ZDHHC11B: variants seen among roughly 807,000 people sequenced by gnomAD.
ZDHHC11B encodes the protein zDHHC palmitoyltransferase 11B (putative).
In ZDHHC11B, 17 loss-of-function variants were observed where a neutral mutation model predicts 42.3. The observed-to-expected ratio is 0.40, with a 90% confidence interval of 0.27 to 0.60. The LOEUF (loss-of-function observed/expected upper bound fraction) is 0.60. ZDHHC11B is among the 20% of genes least tolerant of loss of function. ZDHHC11B has a pLI of 0.41. For missense variants in ZDHHC11B, 262 were observed against 463.2 expected (o/e 0.57, Z 3.99); for synonymous variants, 123 against 193.5 (o/e 0.64, Z 3.02).
intron 1 of ZDHHC11B, among the ~76,000 whole-genome samples, chr5:775,998 G>A (rs1736445695): frequency 6.7e-6 from 1 of 148,162 alleles, no homozygotes; most frequent in Admixed American, 6.7e-5. Flanking sequence ...TCCATGGGCA[G>A]ATTCCCATGC....
chr5:758,253 T>C (rs1240970974), intron 4 of ZDHHC11B, among the ~76,000 whole-genome samples: 1 of 151,880 alleles, frequency 6.6e-6, no homozygotes, highest in Non-Finnish European at 1.5e-5. Context: ...CCCCTTCCTC[T>C]GCAGAGCTGG....
At chr5:763,209 A>G (rs185600594) in intron 4 of ZDHHC11B, among the ~76,000 whole-genome samples, 1 of 151,704 alleles carries the variant, frequency 6.6e-6, no homozygotes, top group East Asian at 1.9e-4. Context: ...CTCCACTGAA[A>G]AATACAAAAA....
intron 4 of ZDHHC11B, among the ~76,000 whole-genome samples, chr5:760,397 C>T (rs1375250469): frequency 1.2e-4 from 18 of 151,804 alleles, no homozygotes; most frequent in African/African-American, 3.9e-4. Context: ...AGAGAAAAGA[C>T]GGTGTGAACA....
chr5:725,282 G>T (rs1269772431), intron 12 of ZDHHC11B, among the ~76,000 whole-genome samples: 1 of 142,880 alleles, frequency 7.0e-6, no homozygotes, highest in East Asian at 2.0e-4. Flanking sequence ...TGCTGTGTGA[G>T]GACAACCAGA....
chr5:744,700 G>A (rs375759304), intron 9 of ZDHHC11B, among the ~76,000 whole-genome samples: 28 of 148,168 alleles, frequency 1.9e-4, no homozygotes, highest in South Asian at 9.1e-4. Context: ...TCAAAACCAC[G>A]TCTCTACTAA....
rs1010918366 is a variant in ZDHHC11B at position 766,146 on chromosome 5, C to G, written c.222+552G>C. Among the ~76,000 whole-genome samples, 3 of 151,944 alleles carry G rather than the reference C, an allele frequency of 2.0e-5. No individual in the cohort carries two copies. In the South Asian group the frequency reaches 6.3e-4, roughly 32 times the overall value. Reference sequence around the variant, plus strand: ...CCATGGACATGCACCCTGGGAGATGCGAGCAGACACAGGCTCCCACCCGCT... The same window carrying G: ...CCATGGACATGCACCCTGGGAGATGGGAGCAGACACAGGCTCCCACCCGCT... On this transcript the variant is annotated intron_variant, in intron 4 of 13. Transcript: ENST00000508859.
At position 736,644 on chromosome 5, in the gene ZDHHC11B, T is replaced by C. The variant is rs551040094; in HGVS notation, c.936-2805A>G. On this transcript the variant is annotated intron_variant, in intron 10 of 13. Coordinates refer to ENST00000508859, the MANE Select transcript of ZDHHC11B (RefSeq NM_001351303.2). ...TCTTTTCAGACCACAGGGGAATAAATTGATAATTAACTCCAAAAGGAACCC... is the reference window on the plus strand; with the variant it reads ...TCTTTTCAGACCACAGGGGAATAAACTGATAATTAACTCCAAAAGGAACCC... Among the ~76,000 whole-genome samples, 45 of 139,070 alleles carry C rather than the reference T, an allele frequency of 3.2e-4. 2 individuals carry two copies. The highest frequency in any genetic ancestry group is 1.0e-3 in the African/African-American group (38 of 37,706). The allele number at this position is 139,070 out of a possible 152,430, so 91.2% of individuals were successfully genotyped here.
Position 767,405 on chromosome 5 carries a change from G to C in ZDHHC11B, c.-14C>G. 6.4e-7 allele frequency: 1 copy of C among 1,570,888 alleles called. No individual in the cohort carries two copies. The highest frequency in any genetic ancestry group is 8.7e-7 in the Non-Finnish European group (1 of 1,153,340). ...GCCAACACCTGCCTCGGCGCACACT[G>C]CACGCCTGTCTCATCTCCGTAGGCT... On this transcript the variant is annotated 5_prime_UTR_variant, in exon 3 of 14. Coordinates refer to ENST00000508859, the MANE Select transcript of ZDHHC11B (RefSeq NM_001351303.2).
chr5:731,110 A>T (rs533901114), intron 11 of ZDHHC11B, among the ~76,000 whole-genome samples: 1 of 150,842 alleles, frequency 6.6e-6, no homozygotes, highest in African/African-American at 2.5e-5. Flanking sequence ...GCTGGCTCAT[A>T]TGATAAGTAC....
intron 12 of ZDHHC11B, among the ~76,000 whole-genome samples, chr5:725,804 C>G (rs1315617543): frequency 2.6e-5 from 4 of 152,242 alleles, no homozygotes; most frequent in Non-Finnish European, 5.9e-5. Context: ...GTCAGCAGAT[C>G]CCAGGAACAG....
At chr5:776,997 C>T (rs769422867) in intron 1 of ZDHHC11B, among the ~76,000 whole-genome samples, 9 of 151,908 alleles carry the variant, frequency 5.9e-5, no homozygotes, top group Non-Finnish European at 1.3e-4. Flanking sequence ...AGTTTTGAGT[C>T]CGTGCCTTTC....
intron 13 of ZDHHC11B, among the ~76,000 whole-genome samples, chr5:712,656 T>C (rs867932935): frequency 0.033 from 4,994 of 149,228 alleles, 53 homozygotes; most frequent in African/African-American, 0.12. Context: ...ACACCTGTAA[T>C]CCCAGCACTT....
chr5:745,078 G>A (rs1240667055), intron 9 of ZDHHC11B, 105 bp downstream of exon 9: 27 of 1,200,870 alleles, frequency 2.2e-5, no homozygotes, highest in Middle Eastern at 2.3e-4. Context: ...TCCATGGGCT[G>A]CATCGGCCCT....
rs386402805 is a variant in ZDHHC11B, at chr5:724,371, ATTT to A, written c.1058+6060_1058+6062del. On this transcript the variant is annotated intron_variant, in intron 12 of 13. Transcript: ENST00000508859. Reference sequence around the variant, plus strand: ...AGGAGCATGCCATCAAACCCAGCTAATTTTTTTTTTTTTTTTTTTTTTTTGAGA... The same window carrying A: ...AGGAGCATGCCATCAAACCCAGCTAATTTTTTTTTTTTTTTTTTTTTGAGA... Among the ~76,000 whole-genome samples the A allele has an allele frequency of 6.8e-3, 554 of 81,380 alleles. 6 individuals are homozygous for A. The highest frequency in any genetic ancestry group is 0.024 in the African/African-American group (532 of 21,758). The allele number at this position is 81,380 out of a possible 152,430, so 53.4% of individuals were successfully genotyped here.
intron 8 of ZDHHC11B, among the ~76,000 whole-genome samples, chr5:745,756 C>T (rs1355232506): frequency 6.7e-6 from 1 of 150,026 alleles, no homozygotes; most frequent in African/African-American, 2.4e-5. Flanking sequence ...CATCTGGACA[C>T]TGGGTGGGGC....
rs747710966 is a variant in ZDHHC11B at position 748,516 on chromosome 5, G to C, written c.672C>G (p.Phe224Leu). The change falls in exon 8 of 14, where the codon TTC becomes TTG. Residue 224 changes from phenylalanine (F) to leucine (L), a missense_variant. By Grantham distance (22) the Phe-to-Leu change is conservative (BLOSUM62 0). This residue lies in a region of ZDHHC11B where 57 missense variants were observed against 103.3 expected (regional missense o/e 0.55). Transcript: ENST00000508859. ...CTATCAGAGTCTGCACCTGCACCGG[G>C]AACAGGGGGAGGAACAGCAGCCACG... The part of the protein sequence containing the change: ...MNTWLLFLPL[F>L]PVQVQTLIVV... The C allele has an allele frequency of 7.3e-7, 1 of 1,365,168 alleles. No individual in the cohort carries two copies. Among genetic ancestry groups the C allele is most frequent in the East Asian group, 3.5e-5 (1 of 28,980 alleles). The allele number at this position is 1,365,168 out of a possible 1,614,324, so 84.6% of individuals were successfully genotyped here.
chr5:739,490 A>G (rs1743923943), intron 10 of ZDHHC11B, among the ~76,000 whole-genome samples: 2 of 150,774 alleles, frequency 1.3e-5, no homozygotes, highest in Admixed American at 1.3e-4. Context: ...AAGATATACA[A>G]ATGGCCAACA....
intron 6 of ZDHHC11B, among the ~76,000 whole-genome samples, chr5:754,272 A>T (rs1746241825): frequency 7.8e-6 from 1 of 128,000 alleles, no homozygotes; most frequent in African/African-American, 2.6e-5. Flanking sequence ...CTCGTCTATG[A>T]GCCTCCACCG....
At chr5:742,881 G>GT (rs1247075537) in intron 9 of ZDHHC11B, among the ~76,000 whole-genome samples, 4 of 149,006 alleles carry the variant, frequency 2.7e-5, no homozygotes, top group Admixed American at 6.8e-5. Flanking sequence ...AGTGATTTTG[G>GT]TGTCAGATCA....
Sources: allele counts gnomAD v4.1 joint callset (sites outside exome capture counted in the v4.1 genomes callset), GRCh38; gene constraint gnomAD v4.1.1; regional missense constraint gnomAD v4.1.1; transcripts MANE v1.5; gene names NCBI Gene and HGNC (gene_info 2026-07-23, HGNC 2026-07-21).